Variants in DLGAP1 observed in about 807,000 individuals in gnomAD.
DLGAP1 encodes DLG associated protein 1, also known as disks large-associated protein 1.
Under a neutral mutation model 90.8 loss-of-function variants are expected in DLGAP1, and 11 were observed. The ratio of observed to expected loss-of-function variants is 0.12; its 90% CI spans 0.08 to 0.20. DLGAP1 has a LOEUF of 0.20. Ranked by LOEUF, DLGAP1 falls within the 10% of genes least tolerant of loss-of-function variation. DLGAP1 has a pLI of 1.00. For missense variants in DLGAP1, 1,050 were observed against 1,333.8 expected, an observed-to-expected ratio of 0.79 and a Z score of 3.31; for synonymous variants, 558 against 540.7, an observed-to-expected ratio of 1.03 and a Z score of -0.44.
At chr18:3,600,835 T>G (rs1168578648) in intron 7 of DLGAP1, among the ~76,000 whole-genome samples, 2 of 124,288 alleles carry the variant, frequency 1.6e-5, no homozygotes, top group African/African-American at 6.8e-5. Context: ...TAGATATATA[T>G]AGATATATAT....
At chr18:3,874,515 C>A in intron 4 of DLGAP1, 1 of 1,448,496 alleles carries the variant, frequency 6.9e-7, no homozygotes, top group Non-Finnish European at 9.0e-7. Context: ...ACCAAGAATT[C>A]TGCTTTTTAA....
At chr18:3,730,216 G>C (rs2062370851) in intron 6 of DLGAP1, among the ~76,000 whole-genome samples, 2 of 152,154 alleles carry the variant, frequency 1.3e-5, no homozygotes, top group African/African-American at 4.8e-5. Context: ...TTGCACCACT[G>C]CATTCCAGCC....
At chr18:3,837,355 C>T (rs2068447223) in intron 4 of DLGAP1, among the ~76,000 whole-genome samples, 1 of 152,058 alleles carries the variant, frequency 6.6e-6, no homozygotes, top group African/African-American at 2.4e-5. Context: ...CAGATCCTTC[C>T]AGTTCTATTT....
chr18:3,772,098 TTTC>T (rs1030777385), intron 5 of DLGAP1, among the ~76,000 whole-genome samples: 33 of 151,480 alleles, frequency 2.2e-4, no homozygotes, highest in African/African-American at 6.6e-4. Flanking sequence ...TAAGCCTTTC[TTTC>T]TTTTCTTTTC....
intron 1 of DLGAP1, among the ~76,000 whole-genome samples, chr18:4,277,459 A>G (rs1239168724): frequency 6.6e-6 from 1 of 152,190 alleles, no homozygotes; most frequent in East Asian, 1.9e-4. Flanking sequence ...AGCATTCTGA[A>G]AGTAAGAATA....
At chr18:4,330,180 C>G (rs1036631931) in intron 1 of DLGAP1, among the ~76,000 whole-genome samples, 21 of 152,124 alleles carry the variant, frequency 1.4e-4, no homozygotes, top group African/African-American at 4.6e-4. Flanking sequence ...TCTTTACCAT[C>G]TTTTCATTTC....
At position 3,895,459 on chromosome 18, in the gene DLGAP1, A is replaced by G. The variant is rs2071598693; in HGVS notation, c.-72-15319T>C. On this transcript the variant is annotated intron_variant, in intron 3 of 12. Transcript: ENST00000315677. Reference sequence around the variant, plus strand: ...CAATATGCTTTTTCCCTCACTTGATATCATCCATTGACTGTGACAATGGTT... The same window carrying G: ...CAATATGCTTTTTCCCTCACTTGATGTCATCCATTGACTGTGACAATGGTT... Among the ~76,000 whole-genome samples the G allele has an allele frequency of 2.0e-5, 3 of 152,278 alleles. No individual in the cohort carries two copies. In the South Asian group the frequency reaches 6.2e-4, roughly 32 times the overall value.
intron 1 of DLGAP1, among the ~76,000 whole-genome samples, chr18:4,213,275 C>T (rs1482720053): frequency 1.3e-5 from 2 of 152,136 alleles, no homozygotes; most frequent in Non-Finnish European, 2.9e-5. Flanking sequence ...ATATGATCAG[C>T]TTCACATGGA....
intron 4 of DLGAP1, chr18:3,874,398 A>T (rs2070937176): frequency 2.1e-6 from 3 of 1,447,512 alleles, no homozygotes; most frequent in Non-Finnish European, 2.7e-6. Context: ...GTTTGAAGGG[A>T]TTTTTCTTTT....
chr18:3,567,070 A>ATCAT (rs57674058), intron 9 of DLGAP1, among the ~76,000 whole-genome samples: 2 of 150,924 alleles, frequency 1.3e-5, no homozygotes, highest in African/African-American at 4.9e-5. Flanking sequence ...TCATTCATTC[A>ATCAT]TCATTCATTC....
At chr18:4,452,982 T>C (rs1022195281) in intron 1 of DLGAP1, among the ~76,000 whole-genome samples, 1 of 152,212 alleles carries the variant, frequency 6.6e-6, no homozygotes, top group African/African-American at 2.4e-5. Flanking sequence ...GAATGAAATA[T>C]AGAGAAATAG....
At chr18:4,331,500 C>T (rs1408893127) in intron 1 of DLGAP1, among the ~76,000 whole-genome samples, 2 of 151,736 alleles carry the variant, frequency 1.3e-5, no homozygotes, top group African/African-American at 4.9e-5. Flanking sequence ...CTCCTAGCTC[C>T]CTCTGTAACC....
rs148811638 is a variant in DLGAP1 at position 4,253,330 on chromosome 18, T to G, written c.-266-102043A>C. ...GATTTACCCAAAAGATAAGTTTCAG[T>G]GAGAAAAGGAAAATAATATTCTGAA... is the stretch of plus-strand genomic sequence containing the variant. On this transcript the variant is annotated intron_variant, in intron 1 of 12. Transcript: ENST00000315677. Among the ~76,000 whole-genome samples, 6 of 152,248 alleles carry G rather than the reference T, an allele frequency of 3.9e-5. No homozygotes were observed. In the East Asian group the frequency reaches 1.2e-3, roughly 29 times the overall value.
At chr18:3,603,771 C>G (rs1325002277) in intron 7 of DLGAP1, 1 of 154,394 alleles carries the variant, frequency 6.5e-6, no homozygotes, top group Non-Finnish European at 1.5e-5. Flanking sequence ...CACAAAAGAG[C>G]TCCTGTTGAC....
intron 7 of DLGAP1, chr18:3,606,974 A>T (rs1802341579): frequency 1.3e-5 from 2 of 151,158 alleles, no homozygotes; most frequent in Admixed American, 1.3e-4. Flanking sequence ...AGTAGCTGGG[A>T]TTACAGGCAC....
In DLGAP1 at chr18:3,933,746, A is replaced by T. The variant is rs936210065; in HGVS notation, c.-72-53606T>A. Among the ~76,000 whole-genome samples, 18 of 152,268 alleles carry T rather than the reference A, an allele frequency of 1.2e-4. No individual in the cohort carries two copies. The South Asian group carries it at 2.7e-3, about 23-fold the overall frequency. On this transcript the variant is annotated intron_variant, in intron 3 of 12. Coordinates refer to ENST00000315677, the MANE Select transcript of DLGAP1 (RefSeq NM_004746.4). ...TGCCCCCTTTCTCATACTCCGTTAGATTTTGTATCTGTCTGTGGTTCAGAC... is the reference window on the plus strand; with the variant it reads ...TGCCCCCTTTCTCATACTCCGTTAGTTTTTGTATCTGTCTGTGGTTCAGAC...
rs185606372 is a variant in DLGAP1, at chr18:4,321,077, T to C, written c.-267+133929A>G. ...AAAGTGCTGTTATTAATCCCCTTTT[T>C]CTCATCTCTTAGTTTGAGGACTCTG... On this transcript the variant is annotated intron_variant, in intron 1 of 12. Transcript: ENST00000315677. 5.3e-5 allele frequency among the ~76,000 whole-genome samples: 8 copies of C among 152,346 alleles called. No homozygotes were observed. The East Asian group carries it at 1.5e-3, about 29-fold the overall frequency.
chr18:4,024,403 A>G (rs1462620189), intron 2 of DLGAP1, among the ~76,000 whole-genome samples: 1 of 152,164 alleles, frequency 6.6e-6, no homozygotes, highest in Non-Finnish European at 1.5e-5. Flanking sequence ...GAAGAACCCC[A>G]TGTTCCTGAT....
At position 4,166,433 on chromosome 18, in the gene DLGAP1, T is replaced by C. The variant is rs545246529; in HGVS notation, c.-266-15146A>G. 1.1e-4 allele frequency among the ~76,000 whole-genome samples: 17 copies of C among 152,222 alleles called. 1 individual carries two copies. In the East Asian group the frequency reaches 3.1e-3, roughly 28 times the overall value. The stretch of plus-strand genomic sequence containing the variant: ...CCTTTGTGCATTGCTGGTGGGAATG[T>C]AAAATAGTGCAGCTGCTATGGAGGC... On this transcript the variant is annotated intron_variant, in intron 1 of 12. Transcript: ENST00000315677.
Sources: allele counts gnomAD v4.1 joint callset (sites outside exome capture counted in the v4.1 genomes callset), GRCh38; gene constraint gnomAD v4.1.1; transcripts MANE v1.5; gene names NCBI Gene and HGNC (gene_info 2026-07-23, HGNC 2026-07-21).